MYOZ2: variants seen among roughly 807,000 people sequenced by gnomAD.
MYOZ2 encodes the protein myozenin-2.
MYOZ2 carries 19 observed loss-of-function variants against 25.4 expected under a neutral mutation model. That is an observed-to-expected ratio of 0.75 (90% CI 0.52 to 1.10). The LOEUF (loss-of-function observed/expected upper bound fraction) is 1.10, where lower values mean the gene tolerates loss of function less well. MYOZ2 is among the 50% of genes least tolerant of loss of function. The pLI is 0.00. For missense variants in MYOZ2, 270 were observed against 317.9 expected, an observed-to-expected ratio of 0.85 and a Z score of 1.15; for synonymous variants, 92 against 106.9, an observed-to-expected ratio of 0.86 and a Z score of 0.86.
intron 5 of MYOZ2, among the ~76,000 whole-genome samples, chr4:119,166,867 T>C (rs192969518): frequency 5.3e-5 from 8 of 152,334 alleles, no homozygotes; most frequent in Non-Finnish European, 1.2e-4. Flanking sequence ...ACCATGCCCA[T>C]GTAAAAAGGC....
intron 2 of MYOZ2, among the ~76,000 whole-genome samples, chr4:119,138,637 T>A (rs575275385): frequency 6.6e-6 from 1 of 152,328 alleles, no homozygotes; most frequent in South Asian, 2.1e-4. Context: ...TTGCCTGGAT[T>A]GTCCTTTATA....
At chr4:119,168,778 G>A (rs1255515352) in intron 5 of MYOZ2, among the ~76,000 whole-genome samples, 2 of 152,152 alleles carry the variant, frequency 1.3e-5, no homozygotes, top group African/African-American at 4.8e-5. Context: ...TTCTTGAGAT[G>A]GTATCTACCC....
chr4:119,148,279 CTT>C (rs1293865635), intron 2 of MYOZ2, among the ~76,000 whole-genome samples: 1 of 152,112 alleles, frequency 6.6e-6, no homozygotes, highest in Non-Finnish European at 1.5e-5. Flanking sequence ...AATATTTTCT[CTT>C]TGTCTTTAGT....
At chr4:119,184,566 T>G (rs978625672) in intron 5 of MYOZ2, among the ~76,000 whole-genome samples, 1 of 152,256 alleles carries the variant, frequency 6.6e-6, no homozygotes, top group Non-Finnish European at 1.5e-5. Context: ...ATTTTAACTT[T>G]ATGCATAGCT....
intron 4 of MYOZ2, among the ~76,000 whole-genome samples, chr4:119,161,990 C>T (rs1741719165): frequency 6.6e-6 from 1 of 152,070 alleles, no homozygotes; most frequent in Admixed American, 6.6e-5. Flanking sequence ...CTCTGTTCAA[C>T]TCCAGGAAAG....
intron 2 of MYOZ2, among the ~76,000 whole-genome samples, chr4:119,148,925 A>G (rs2149220833): frequency 6.6e-6 from 1 of 151,440 alleles, no homozygotes; most frequent in African/African-American, 2.4e-5. Flanking sequence ...TTTTTTTTTT[A>G]ATTTTTCATT....
chr4:119,148,511 A>G (rs1013728899), intron 2 of MYOZ2, among the ~76,000 whole-genome samples: 4 of 152,032 alleles, frequency 2.6e-5, no homozygotes, highest in Admixed American at 6.6e-5. Context: ...AGTCCCATGA[A>G]TCCCTAAGAA....
intron 5 of MYOZ2, among the ~76,000 whole-genome samples, chr4:119,182,806 A>C (rs1172283275): frequency 6.6e-6 from 1 of 152,170 alleles, no homozygotes; most frequent in Non-Finnish European, 1.5e-5. Flanking sequence ...GTTGGTCTGC[A>C]GCCTGAGGGT....
chr4:119,176,809 T>G (rs566237253), intron 5 of MYOZ2, among the ~76,000 whole-genome samples: 3 of 152,372 alleles, frequency 2.0e-5, no homozygotes, highest in African/African-American at 7.2e-5. Flanking sequence ...GTGAGTACTA[T>G]GTATCAGGCA....
intron 1 of MYOZ2, 79 bp from the exon 2 acceptor site, chr4:119,136,433 G>C: frequency 8.1e-7 from 1 of 1,239,468 alleles, no homozygotes; most frequent in East Asian, 2.5e-5. Context: ...CAAAGATGTT[G>C]TCTTTCAAAA....
At chr4:119,181,970 GT>G (rs937530684) in intron 5 of MYOZ2, among the ~76,000 whole-genome samples, 5 of 152,116 alleles carry the variant, frequency 3.3e-5, no homozygotes, top group African/African-American at 1.2e-4. Flanking sequence ...TGTTTTAGAA[GT>G]TTGATAGTAA....
intron 5 of MYOZ2, among the ~76,000 whole-genome samples, chr4:119,165,752 GA>G (rs67149403): frequency 0.34 from 52,060 of 151,828 alleles, 10,288 homozygotes; most frequent in East Asian, 0.52. Flanking sequence ...GGGGAAAATG[GA>G]AATTAATGGA....
At chr4:119,170,658 A>C (rs2149227126) in intron 5 of MYOZ2, among the ~76,000 whole-genome samples, 1 of 152,336 alleles carries the variant, frequency 6.6e-6, no homozygotes, top group South Asian at 2.1e-4. Flanking sequence ...ATAGGATTTA[A>C]GATGCAGAAA....
intron 5 of MYOZ2, among the ~76,000 whole-genome samples, chr4:119,173,646 C>G (rs759698130): frequency 6.6e-6 from 1 of 152,214 alleles, no homozygotes; most frequent in East Asian, 1.9e-4. Context: ...CGCTCGCTCT[C>G]GGCACCTCCT....
chr4:119,142,799 T>C (rs1741188173), intron 2 of MYOZ2, among the ~76,000 whole-genome samples: 1 of 152,242 alleles, frequency 6.6e-6, no homozygotes, highest in Non-Finnish European at 1.5e-5. Flanking sequence ...GAAAGTACGA[T>C]GAGTTGCTGT....
At chr4:119,177,327 G>T (rs1215393092) in intron 5 of MYOZ2, among the ~76,000 whole-genome samples, 1 of 152,112 alleles carries the variant, frequency 6.6e-6, no homozygotes, top group Non-Finnish European at 1.5e-5. Flanking sequence ...GCTGAATGTG[G>T]CTGGATAAAA....
At chr4:119,182,722 G>C (rs2149229984) in intron 5 of MYOZ2, among the ~76,000 whole-genome samples, 1 of 152,296 alleles carries the variant, frequency 6.6e-6, no homozygotes, top group Admixed American at 6.5e-5. Context: ...AGGAGGTGGA[G>C]CTCAGGTGGA....
At chr4:119,151,332 A>G (rs563767535) in intron 3 of MYOZ2, among the ~76,000 whole-genome samples, 2 of 152,266 alleles carry the variant, frequency 1.3e-5, no homozygotes, top group African/African-American at 4.8e-5. Flanking sequence ...AAATGGTACT[A>G]AAAGTTTCCA....
At chr4:119,146,756 A>C (rs762389574) in intron 2 of MYOZ2, among the ~76,000 whole-genome samples, 1 of 152,140 alleles carries the variant, frequency 6.6e-6, no homozygotes, top group Non-Finnish European at 1.5e-5. Context: ...ATATTGTAGA[A>C]TTTTATATTC....
Sources: gnomAD v4.1 joint callset for allele counts (sites outside exome capture counted in the v4.1 genomes callset) on GRCh38, gnomAD v4.1.1 for gene constraint, MANE v1.5 for transcripts, NCBI Gene and HGNC (gene_info 2026-07-23, HGNC 2026-07-21) for gene names.